The following SLC41A1 variants were observed in gnomAD, a reference collection of about 807,000 sequenced individuals.
The protein encoded by SLC41A1 is solute carrier family 41 member 1.
Under a neutral mutation model 47.3 loss-of-function variants are expected in SLC41A1, and 20 were observed. That is an observed-to-expected ratio of 0.42 (90% CI 0.30 to 0.61). The LOEUF (loss-of-function observed/expected upper bound fraction) is 0.61. SLC41A1 is among the 20% of genes least tolerant of loss of function. The probability of loss-of-function intolerance (pLI) is 0.17; values close to 1 mark genes in which losing one functional copy is unlikely to be tolerated. For synonymous variants in SLC41A1, 282 were observed against 272.7 expected (o/e 1.03, Z -0.34); for missense variants, 504 against 674.1 (o/e 0.75, Z 2.79).
Position 205,810,216 on chromosome 1 carries a change from T to G in SLC41A1, c.226A>C (p.Ser76Arg). Reference protein sequence around the residue: ...LLENGSQSNESDDVSTDRGPA... With the variant: ...LLENGSQSNERDDVSTDRGPA... Reference sequence around the variant, plus strand: ...CCACGGTCTGTGCTGACGTCGTCACTTTCGTTGCTCTGGCTCCCGTTCTCC... The same window carrying G: ...CCACGGTCTGTGCTGACGTCGTCACGTTCGTTGCTCTGGCTCCCGTTCTCC... Residue 76 changes from serine (S) to arginine (R), a missense_variant, in exon 2 of 11, where the codon AGT (serine) becomes CGT (arginine). Coordinates refer to ENST00000367137, the MANE Select transcript of SLC41A1 (RefSeq NM_173854.6). This position sits in a 1 kb window ranked among gnomAD's most constrained non-coding sequence, Gnocchi z 5.5. 6.2e-7 allele frequency: 1 copy of G among 1,614,220 alleles called. No homozygotes were observed. Among genetic ancestry groups the G allele is most frequent in the Non-Finnish European group, 8.5e-7 (1 of 1,180,038 alleles).
At chr1:205,800,758 G>C (rs1268462010) in intron 3 of SLC41A1, among the ~76,000 whole-genome samples, 195 bp downstream of exon 3, 1 of 152,164 alleles carries the variant, frequency 6.6e-6, no homozygotes, top group Non-Finnish European at 1.5e-5. Flanking sequence ...ACTTTGGGCA[G>C]GGAGCCCCTG....
At chr1:205,803,569 A>ACACTGTATG (rs1232428090) in intron 2 of SLC41A1, among the ~76,000 whole-genome samples, 9 of 152,154 alleles carry the variant, frequency 5.9e-5, no homozygotes, top group Admixed American at 5.9e-4. Context: ...GTCATAAAAA[A>ACACTGTATG]CACTGTATGA....
In SLC41A1 at chr1:205,791,312, C is replaced by T. The variant is rs1044710762; in HGVS notation, c.*221G>A. 3 of 566,946 alleles carry T rather than the reference C, an allele frequency of 5.3e-6. No individual in the cohort carries two copies. Among genetic ancestry groups the T allele is most frequent in the Non-Finnish European group, 9.4e-6 (3 of 319,852 alleles). 35.1% of individuals were successfully genotyped at this position (566,946 alleles called of 1,614,324 possible). On this transcript the variant is annotated 3_prime_UTR_variant, in exon 11 of 11. Coordinates refer to ENST00000367137, the MANE Select transcript of SLC41A1 (RefSeq NM_173854.6). This position sits in a 1 kb window ranked among gnomAD's most constrained non-coding sequence, Gnocchi z 4.0. Reference sequence around the variant, plus strand: ...CTGCACTTGGTGATTGTCTCAAAAACCTACTTGTACTGCTTATCTCAGGCC... The same window carrying T: ...CTGCACTTGGTGATTGTCTCAAAAATCTACTTGTACTGCTTATCTCAGGCC...
chr1:205,809,078 C>T (rs1656081661), intron 2 of SLC41A1, among the ~76,000 whole-genome samples: 1 of 152,228 alleles, frequency 6.6e-6, no homozygotes, highest in Non-Finnish European at 1.5e-5. Context: ...ATTAATATTT[C>T]TCTGAGTACC....
intron 2 of SLC41A1, among the ~76,000 whole-genome samples, chr1:205,807,650 C>CTTTTTTTTTTT (rs71152452): frequency 1.0e-5 from 1 of 98,512 alleles, no homozygotes. Context: ...CTCGTAGAGT[C>CTTTTTTTTTTT]TTTTTTTTTT....
intron 10 of SLC41A1, among the ~76,000 whole-genome samples, chr1:205,792,224 T>G (rs1436859189): frequency 6.6e-6 from 1 of 152,226 alleles, no homozygotes; most frequent in African/African-American, 2.4e-5. Flanking sequence ...GCGGTTGTCT[T>G]AAGTAACAGA....
rs1027126730 is a variant in SLC41A1 at position 205,789,629 on chromosome 1, G to C, written c.*1904C>G. The C allele has an allele frequency of 1.3e-5, 2 of 152,256 alleles. No homozygotes were observed. The highest frequency in any genetic ancestry group is 2.9e-5 in the Non-Finnish European group (2 of 68,068). The allele number at this position is 152,256 out of a possible 1,614,324, so 9.4% of individuals were successfully genotyped here. A position where few individuals can be genotyped will look rare whatever the true frequency, so the allele number is the denominator to read the frequency against. On this transcript the variant is annotated 3_prime_UTR_variant, in exon 11 of 11. Coordinates refer to ENST00000367137, the MANE Select transcript of SLC41A1 (RefSeq NM_173854.6). Reference sequence around the variant, plus strand: ...AAAACAAGCCCAGGCTGGTGTTAATGAATTCTGTTGGACACAACTCCAACT... The same window carrying C: ...AAAACAAGCCCAGGCTGGTGTTAATCAATTCTGTTGGACACAACTCCAACT...
Position 205,809,990 on chromosome 1 carries a change from T to C in SLC41A1, c.372+80A>G, listed in dbSNP as rs957585887. On this transcript the variant is annotated intron_variant, in intron 2 of 10. Transcript: ENST00000367137. ...GCAGCAGCCACTTCTGACAGGGAGG[T>C]AGAGAGGAAGTTCCAAGTTTCCCAG... 8.2e-6 allele frequency: 13 copies of C among 1,587,846 alleles called. 1 individual carries two copies. In the Admixed American group the frequency reaches 1.9e-4, roughly 23 times the overall value.
At chr1:205,795,126 G>A (rs1393258266) in intron 9 of SLC41A1, 108 bp from the exon 10 acceptor site, 17 of 1,483,516 alleles carry the variant, frequency 1.1e-5, no homozygotes, top group Non-Finnish European at 1.5e-5. Flanking sequence ...GCAACAGACA[G>A]ATGAATGTCT....
At chr1:205,798,485 C>A (rs1267445351) in intron 6 of SLC41A1, among the ~76,000 whole-genome samples, 184 bp downstream of exon 6, 2 of 152,220 alleles carry the variant, frequency 1.3e-5, no homozygotes, top group African/African-American at 4.8e-5. Context: ...TCCCCTGCCC[C>A]TGATGCCTGC....
intron 2 of SLC41A1, among the ~76,000 whole-genome samples, chr1:205,808,101 C>G (rs1656057839): frequency 6.6e-6 from 1 of 151,840 alleles, no homozygotes; most frequent in Non-Finnish European, 1.5e-5. Context: ...ACTACAGGTG[C>G]CTGCCACCAT....
Position 205,799,935 on chromosome 1 carries a change from A to T in SLC41A1, c.481-105T>A, listed in dbSNP as rs553839074. ...CATGAGGCAGTACATGTGGCCTAAG[A>T]CTCTGAGAGCAGGACCTGACAGTCC... On this transcript the variant is annotated intron_variant, in intron 3 of 10. Transcript: ENST00000367137. 106 of 957,264 alleles carry T rather than the reference A, an allele frequency of 1.1e-4. No homozygotes were observed. In the African/African-American group the frequency reaches 1.6e-3, roughly 14 times the overall value. The allele number at this position is 957,264 out of a possible 1,614,324, so 59.3% of individuals were successfully genotyped here.
rs768603358 is a variant in SLC41A1, at chr1:205,798,023, C to T, written c.873G>A (p.Val291=). The part of the protein sequence containing the change: ...LNHWRYIYPL[V]CAFFVALLPV... ...GCAGCAGGGCCACAAAGAAAGCACA[C>T]ACCAGTGGGTAGATGTATCGCCAGT... Residue 291 remains valine (V), a synonymous_variant, in exon 7 of 11, where the codon GTG becomes GTA. Transcript: ENST00000367137. 35 of 1,614,042 alleles carry T rather than the reference C, an allele frequency of 2.2e-5. No individual in the cohort carries two copies. Among genetic ancestry groups the T allele is most frequent in the Non-Finnish European group, 2.6e-5 (31 of 1,180,038 alleles).
chr1:205,799,658 T>C (rs1655826353), intron 4 of SLC41A1, 101 bp downstream of exon 4: 2 of 1,316,460 alleles, frequency 1.5e-6, no homozygotes, highest in Admixed American at 1.9e-5. Context: ...AGTGGGATAC[T>C]GGAGATTCAC....
At position 205,810,384 on chromosome 1, in the gene SLC41A1, C is replaced by T; in HGVS notation, c.58G>A (p.Ala20Thr). ...VHQLNGTGPS[A>T]SPCSSDGPGR... ...GGGCCATCTGAAGAGCAGGGAGAGGCAGAAGGGCCAGTCCCGTTCAGTTGG... is the reference window on the plus strand; with the variant it reads ...GGGCCATCTGAAGAGCAGGGAGAGGTAGAAGGGCCAGTCCCGTTCAGTTGG... The change falls in exon 2 of 11, where the codon GCC (alanine) becomes ACC (threonine). Residue 20 changes from alanine to threonine, a missense_variant. Transcript: ENST00000367137. The surrounding 1 kb of genome is among the most constrained non-coding windows in gnomAD (Gnocchi z 5.5). 6.2e-7 allele frequency: 1 copy of T among 1,614,246 alleles called. No individual in the cohort carries two copies. Among genetic ancestry groups the T allele is most frequent in the Non-Finnish European group, 8.5e-7 (1 of 1,180,044 alleles).
At position 205,791,668 on chromosome 1, in the gene SLC41A1, G is replaced by A. The variant is rs1165494209; in HGVS notation, c.1407C>T (p.Gly469=). 6.2e-7 allele frequency: 1 copy of A among 1,613,936 alleles called. No homozygotes were observed. Among genetic ancestry groups the A allele is most frequent in the African/African-American group, 1.3e-5 (1 of 74,884 alleles). The change falls in exon 11 of 11, where the codon GGC becomes GGT. Residue 469 remains glycine (G), a synonymous_variant. Transcript: ENST00000367137. This position sits in a 1 kb window ranked among gnomAD's most constrained non-coding sequence, Gnocchi z 4.0. ...AGAAGTTGTCCGGGTCCAGGCCCCG[G>A]CCCCACATCCAGTGCACCATCCAGT... The part of the protein sequence containing the change: ...IADWMVHWMW[G]RGLDPDNFSI...
rs1482946244 is a variant in SLC41A1 at position 205,794,910 on chromosome 1, A to C, written c.1316T>G (p.Leu439Arg). 1 of 1,613,920 alleles carries C rather than the reference A, an allele frequency of 6.2e-7. No individual in the cohort carries two copies. Among genetic ancestry groups the C allele is most frequent in the Non-Finnish European group, 8.5e-7 (1 of 1,180,010 alleles). ...CMQGGHTTLTLIFIIFYMTAA... is the reference protein window; with the variant it reads ...CMQGGHTTLTRIFIIFYMTAA... Reference sequence around the variant, plus strand: ...TGTCATATAGAAGATGATGAAGATGAGTGTGAGGGTGGTGTGCCCGCCCTG... The same window carrying C: ...TGTCATATAGAAGATGATGAAGATGCGTGTGAGGGTGGTGTGCCCGCCCTG... The change falls in exon 10 of 11, where the codon CTC becomes CGC. Residue 439 changes from leucine (L) to arginine (R), a missense_variant. This residue lies in a region of SLC41A1 where 421 missense variants were observed against 601.6 expected (regional missense o/e 0.70). Transcript: ENST00000367137.
chr1:205,802,559 A>T, intron 2 of SLC41A1, among the ~76,000 whole-genome samples: 1 of 151,760 alleles, frequency 6.6e-6, no homozygotes, highest in African/African-American at 2.4e-5. Flanking sequence ...TCTACTGAAA[A>T]TACAAAAATT....
intron 2 of SLC41A1, among the ~76,000 whole-genome samples, chr1:205,804,391 C>T (rs1043351691): frequency 6.6e-6 from 1 of 152,076 alleles, no homozygotes; most frequent in Non-Finnish European, 1.5e-5. Flanking sequence ...GAAGCCCCAC[C>T]GTAGGGACTA....
Sources: allele counts gnomAD v4.1 joint callset (sites outside exome capture counted in the v4.1 genomes callset), GRCh38; gene constraint gnomAD v4.1.1; regional missense constraint gnomAD v4.1.1; non-coding constraint Gnocchi (gnomAD v3.1); transcripts MANE v1.5; gene names NCBI Gene and HGNC (gene_info 2026-07-23, HGNC 2026-07-21).